The following VWA2 variants were observed in gnomAD, a reference collection of about 807,000 sequenced individuals.
The protein encoded by VWA2 is von Willebrand factor A domain containing 2.
VWA2 carries 73 observed loss-of-function variants against 70.4 expected under a neutral mutation model. That is an observed-to-expected ratio of 1.04 (90% CI 0.86 to 1.26). VWA2 has a LOEUF of 1.26. Among genes scored for constraint, VWA2 ranks in the 50% most tolerant of loss-of-function variants. VWA2 has a pLI of 0.00. For missense variants in VWA2, 1,011 were observed against 998.5 expected, an observed-to-expected ratio of 1.01 and a Z score of -0.17; for synonymous variants, 407 against 423.3, an observed-to-expected ratio of 0.96 and a Z score of 0.47.
chr10:114,245,517 G>T (rs1052805463), intron 1 of VWA2, among the ~76,000 whole-genome samples: 9 of 152,178 alleles, frequency 5.9e-5, no homozygotes, highest in African/African-American at 1.9e-4. Context: ...GCATTGAGAA[G>T]CTCTTCACCG....
At chr10:114,282,709 G>A in intron 9 of VWA2, 138 bp downstream of exon 9, 2 of 703,096 alleles carry the variant, frequency 2.8e-6, no homozygotes, top group South Asian at 3.2e-5. Context: ...CACTTGGGGG[G>A]CAGAGGAGAG....
At chr10:114,255,159 A>G (rs2037297077) in intron 4 of VWA2, 111 bp downstream of exon 4, 3 of 1,365,360 alleles carry the variant, frequency 2.2e-6, no homozygotes, top group Admixed American at 1.8e-5. Flanking sequence ...TGGGAAGACC[A>G]AGGGGCTGAA....
chr10:114,258,893 C>T (rs1297576181), intron 4 of VWA2, among the ~76,000 whole-genome samples: 1 of 152,132 alleles, frequency 6.6e-6, no homozygotes. Flanking sequence ...GAAATCTTTG[C>T]GTATCTGTAT....
At chr10:114,290,879 T>A (rs1310278305) in intron 13 of VWA2, among the ~76,000 whole-genome samples, 1 of 152,070 alleles carries the variant, frequency 6.6e-6, no homozygotes, top group Non-Finnish European at 1.5e-5. Flanking sequence ...AAGAAGTCAT[T>A]GTCAAGGGTA....
chr10:114,292,813 C>G lies in VWA2; in HGVS notation c.*1576C>G, dbSNP rs755340169. On this transcript the variant is annotated 3_prime_UTR_variant, in exon 14 of 14. Transcript: ENST00000392982. Reference sequence around the variant, plus strand: ...CTTTGCCTCCCAGGTTGAAGTGATTCTCATGCCTCAGCCTCTTGAGTAGCT... The same window carrying G: ...CTTTGCCTCCCAGGTTGAAGTGATTGTCATGCCTCAGCCTCTTGAGTAGCT... 1.1e-4 allele frequency among the ~76,000 whole-genome samples: 17 copies of G among 152,014 alleles called. No individual in the cohort carries two copies. Among genetic ancestry groups the G allele is most frequent in the Non-Finnish European group, 2.1e-4 (14 of 68,024 alleles).
intron 11 of VWA2, among the ~76,000 whole-genome samples, chr10:114,287,131 T>C (rs2038998371): frequency 6.6e-6 from 1 of 152,234 alleles, no homozygotes; most frequent in Admixed American, 6.5e-5. Context: ...TAGAGAACAC[T>C]GTCCCCACGC....
chr10:114,242,078 T>G (rs1203265967), intron 1 of VWA2, among the ~76,000 whole-genome samples: 2 of 152,084 alleles, frequency 1.3e-5, no homozygotes. Flanking sequence ...TTAATTTTCC[T>G]CTTCCACCTA....
At chr10:114,257,534 G>C (rs770925304) in intron 4 of VWA2, among the ~76,000 whole-genome samples, 7 of 152,206 alleles carry the variant, frequency 4.6e-5, no homozygotes, top group Non-Finnish European at 8.8e-5. Flanking sequence ...TGACTGCCGA[G>C]GGTCACACAG....
intron 8 of VWA2, among the ~76,000 whole-genome samples, chr10:114,279,698 G>A (rs1349145361): frequency 6.6e-6 from 1 of 152,226 alleles, no homozygotes; most frequent in Non-Finnish European, 1.5e-5. Flanking sequence ...AGGAGGAGTT[G>A]ATTCGTTCCT....
At chr10:114,241,921 G>A (rs1214005784) in intron 1 of VWA2, among the ~76,000 whole-genome samples, 1 of 129,114 alleles carries the variant, frequency 7.7e-6, no homozygotes, top group Admixed American at 9.8e-5. Flanking sequence ...CATCAAGGAG[G>A]CTATTGGAAG....
intron 13 of VWA2, 116 bp from the exon 14 acceptor site, chr10:114,291,102 G>A: frequency 8.2e-7 from 1 of 1,214,360 alleles, no homozygotes; most frequent in East Asian, 2.6e-5. Context: ...ATCTTCTGCT[G>A]GGGGCGAGGT....
intron 1 of VWA2, among the ~76,000 whole-genome samples, chr10:114,242,640 C>T (rs945080996): frequency 1.3e-5 from 2 of 151,714 alleles, no homozygotes; most frequent in African/African-American, 2.4e-5. Flanking sequence ...CTGTGTACCG[C>T]GTACTTCTGG....
chr10:114,242,807 A>G (rs1226690666), intron 1 of VWA2, among the ~76,000 whole-genome samples: 1 of 152,260 alleles, frequency 6.6e-6, no homozygotes, highest in Non-Finnish European at 1.5e-5. Flanking sequence ...AAATGAATAT[A>G]TTAAATGTAA....
intron 3 of VWA2, among the ~76,000 whole-genome samples, 182 bp from the exon 4 acceptor site, chr10:114,254,733 A>G (rs2037283884): frequency 1.3e-5 from 2 of 152,200 alleles, no homozygotes; most frequent in Non-Finnish European, 2.9e-5. Flanking sequence ...CACATTTGTG[A>G]GCAGCACACC....
At chr10:114,267,823 G>T (rs1333263968) in intron 5 of VWA2, among the ~76,000 whole-genome samples, 1 of 152,070 alleles carries the variant, frequency 6.6e-6, no homozygotes, top group African/African-American at 2.4e-5. Flanking sequence ...AGGAGGGGAG[G>T]GAGTGCTGGT....
At chr10:114,247,892 C>A (rs1269404995) in intron 1 of VWA2, among the ~76,000 whole-genome samples, 1 of 151,996 alleles carries the variant, frequency 6.6e-6, no homozygotes, top group Non-Finnish European at 1.5e-5. Flanking sequence ...CACCATGGGG[C>A]AGGTGTGGCT....
intron 2 of VWA2, among the ~76,000 whole-genome samples, chr10:114,253,434 T>C (rs1171037962): frequency 6.9e-6 from 1 of 144,324 alleles, no homozygotes; most frequent in Non-Finnish European, 1.5e-5. Flanking sequence ...GTCTTCAAAC[T>C]ACCCACATTT....
intron 2 of VWA2, among the ~76,000 whole-genome samples, chr10:114,251,000 G>A (rs1439374762): frequency 1.3e-5 from 2 of 152,226 alleles, no homozygotes; most frequent in African/African-American, 4.8e-5. Flanking sequence ...TAGCAGACAT[G>A]GGACTAACAC....
Position 114,291,240 on chromosome 10 carries a change from C to T in VWA2, c.*3C>T, listed in dbSNP as rs933049631. ...CAGGATTCTTGAGACGCCCCTGAGG[C>T]ACATGGCTCCCGTGCAGGAGGGCAG... On this transcript the variant is annotated 3_prime_UTR_variant, in exon 14 of 14. Transcript: ENST00000392982. 4 of 1,550,180 alleles carry T rather than the reference C, an allele frequency of 2.6e-6. No individual in the cohort carries two copies. The highest frequency in any genetic ancestry group is 1.4e-5 in the African/African-American group (1 of 73,032).
Sources: gnomAD v4.1 joint callset for allele counts (sites outside exome capture counted in the v4.1 genomes callset) on GRCh38, gnomAD v4.1.1 for gene constraint, MANE v1.5 for transcripts, NCBI Gene and HGNC (gene_info 2026-07-23, HGNC 2026-07-21) for gene names.